Variants in ETAA1 observed in about 807,000 individuals in gnomAD.
ETAA1 encodes the protein ewing's tumor-associated antigen 1.
Under a neutral mutation model 76.8 loss-of-function variants are expected in ETAA1, and 49 were observed. The ratio of observed to expected loss-of-function variants is 0.64; its 90% confidence interval spans 0.51 to 0.81. The LOEUF is 0.81. Among genes scored for constraint, ETAA1 ranks in the 30% least tolerant of loss-of-function variants. ETAA1 has a pLI of 0.00. For synonymous variants in ETAA1, 373 were observed against 372.2 expected (o/e 1.00, Z -0.03); for missense variants, 1,099 against 1,074.0 (o/e 1.02, Z -0.32).
chr2:67,399,360 G>T, intron 2 of ETAA1, 63 bp downstream of exon 2: 1 of 1,456,228 alleles, frequency 6.9e-7, no homozygotes, highest in Non-Finnish European at 9.5e-7. Context: ...GATTTAACTA[G>T]AATTCTAGTC....
In ETAA1 at chr2:67,397,600, G is replaced by C; in HGVS notation, c.152G>C (p.Gly51Ala). The C allele has an allele frequency of 1.3e-6, 2 of 1,550,710 alleles. No homozygotes were observed. The highest frequency in any genetic ancestry group is 1.7e-6 in the Non-Finnish European group (2 of 1,147,772). The change falls in exon 1 of 6, where the codon GGG (glycine) becomes GCG (alanine). Residue 51 changes from glycine (G) to alanine (A), a missense_variant. By Grantham distance (60) the Gly-to-Ala change is moderately conservative (BLOSUM62 0). This residue lies in a region of ETAA1 where 761 missense variants were observed against 731.9 expected (regional missense o/e 1.04). Transcript: ENST00000272342. The part of the protein sequence containing the change: ...RGSWPCGARE[G>A]PPGPVRQREQ... ...TCGTGGCCCTGCGGGGCTAGAGAGG[G>C]GCCTCCCGGGCCAGTGCGGCAGCGA...
chr2:67,407,155 G>A (rs536951137), intron 5 of ETAA1, among the ~76,000 whole-genome samples: 3 of 151,206 alleles, frequency 2.0e-5, no homozygotes, highest in African/African-American at 7.3e-5. Flanking sequence ...ACACCCAAGG[G>A]TGTCCAATCT....
chr2:67,398,724 A>G (rs752819963), intron 1 of ETAA1, among the ~76,000 whole-genome samples: 1 of 152,180 alleles, frequency 6.6e-6, no homozygotes, highest in Admixed American at 6.5e-5. Context: ...AAAAATTCCC[A>G]AGCATTGGAT....
At chr2:67,407,793 A>G (rs1197156907) in intron 5 of ETAA1, among the ~76,000 whole-genome samples, 1 of 152,178 alleles carries the variant, frequency 6.6e-6, no homozygotes, top group Non-Finnish European at 1.5e-5. Context: ...GTGGATCATC[A>G]TAAAGGTCTT....
At position 67,411,100 on chromosome 2, in the gene ETAA1, A is replaced by G. The variant is rs1003058428; in HGVS notation, c.*1062A>G. ...TTAGTTGACTCATCTTTTCTTCTCT[A>G]TTACTGTTTTGTTTTTTTCTTTTTT... On this transcript the variant is annotated 3_prime_UTR_variant, in exon 6 of 6. Coordinates refer to ENST00000272342, the MANE Select transcript of ETAA1 (RefSeq NM_019002.4). 6.6e-6 allele frequency: 1 copy of G among 151,490 alleles called. No homozygotes were observed. The highest frequency in any genetic ancestry group is 2.4e-5 in the African/African-American group (1 of 41,198). The allele number at this position is 151,490 out of a possible 1,614,324, so 9.4% of individuals were successfully genotyped here. A position where few individuals can be genotyped will look rare whatever the true frequency, so the allele number is the denominator to read the frequency against.
At chr2:67,409,158 T>C (rs1280927580) in intron 5 of ETAA1, among the ~76,000 whole-genome samples, 2 of 152,052 alleles carry the variant, frequency 1.3e-5, no homozygotes, top group African/African-American at 4.8e-5. Context: ...ATTGTGTATC[T>C]TTTTCTAAAT....
At chr2:67,397,933 G>A (rs1486075979) in intron 1 of ETAA1, among the ~76,000 whole-genome samples, 8 of 152,214 alleles carry the variant, frequency 5.3e-5, no homozygotes, top group Non-Finnish European at 1.2e-4. Context: ...TTTGCGGGAG[G>A]GCGGCTGCTT....
chr2:67,398,793 G>A (rs765054552), intron 1 of ETAA1, among the ~76,000 whole-genome samples: 14 of 152,052 alleles, frequency 9.2e-5, no homozygotes, highest in East Asian at 1.9e-4. Flanking sequence ...GGTGAAAGGG[G>A]GCTAAACATA....
intron 3 of ETAA1, chr2:67,401,653 G>GT (rs780683740): frequency 6.6e-6 from 1 of 151,762 alleles, no homozygotes; most frequent in Non-Finnish European, 1.5e-5. Context: ...GTAAAGTTGG[G>GT]TACATAAAGT....
At position 67,397,364 on chromosome 2, in the gene ETAA1, G is replaced by A. The variant is rs893408372; in HGVS notation, c.-85G>A. 7.2e-7 allele frequency: 1 copy of A among 1,384,880 alleles called. No individual in the cohort carries two copies. Among genetic ancestry groups the A allele is most frequent in the Non-Finnish European group, 1.0e-6 (1 of 997,498 alleles). 85.8% of individuals were successfully genotyped at this position (1,384,880 alleles called of 1,614,324 possible). A position where few individuals can be genotyped will look rare whatever the true frequency, so the allele number is the denominator to read the frequency against. On this transcript the variant is annotated 5_prime_UTR_variant, in exon 1 of 6. Coordinates refer to ENST00000272342, the MANE Select transcript of ETAA1 (RefSeq NM_019002.4). The stretch of plus-strand genomic sequence containing the variant: ...CAAAATGGCGGCTGCCGTTGGTGCG[G>A]GGTGCGGTTTGTAGTGCTGTTGCCC...
In ETAA1 at chr2:67,403,844, G is replaced by A. The variant is rs1676124585; in HGVS notation, c.1162G>A (p.Gly388Ser). Residue 388 changes from glycine to serine, a missense_variant, in exon 5 of 6, where the codon GGT becomes AGT. Gly to Ser is a moderately conservative substitution (Grantham distance 56). This residue lies in a region of ETAA1 where 761 missense variants were observed against 731.9 expected (regional missense o/e 1.04). Coordinates refer to ENST00000272342, the MANE Select transcript of ETAA1 (RefSeq NM_019002.4). ...TGAGGATGATTGGGAAAACTTACTA[G>A]GTAGTGAACCTTTTGCTATGCAAAA... ...DFEDDWENLL[G>S]SEPFAMQNID... 6.2e-7 allele frequency: 1 copy of A among 1,613,120 alleles called. No individual in the cohort carries two copies. Among genetic ancestry groups the A allele is most frequent in the Non-Finnish European group, 8.5e-7 (1 of 1,179,478 alleles).
Position 67,397,438 on chromosome 2 carries a change from G to A in ETAA1, c.-11G>A, listed in dbSNP as rs368634719. ...AAAGAAGAAGCGGCTGGTGGAGGCG[G>A]GCCATAGGCAATGAGTCGGCGAAGG... On this transcript the variant is annotated 5_prime_UTR_variant, in exon 1 of 6. Transcript: ENST00000272342. 1.3e-6 allele frequency: 2 copies of A among 1,582,082 alleles called. No individual in the cohort carries two copies. The highest frequency in any genetic ancestry group is 3.6e-5 in the Admixed American group (2 of 55,078).
chr2:67,402,901 A>G lies in ETAA1; in HGVS notation c.469A>G (p.Ile157Val). The G allele has an allele frequency of 6.2e-7, 1 of 1,605,150 alleles. No individual in the cohort carries two copies. Among genetic ancestry groups the G allele is most frequent in the Non-Finnish European group, 8.5e-7 (1 of 1,175,668 alleles). Residue 157 changes from isoleucine to valine, a missense_variant, in exon 4 of 6, where the codon ATT becomes GTT. Transcript: ENST00000272342. Reference sequence around the variant, plus strand: ...AACAAATTCTATGCTGGACATGTGGATTGGTGAAACTGCTATTCCTTGTAC... The same window carrying G: ...AACAAATTCTATGCTGGACATGTGGGTTGGTGAAACTGCTATTCCTTGTAC... Reference protein sequence around the residue: ...PTTNSMLDMWIGETAIPCTPS... With the variant: ...PTTNSMLDMWVGETAIPCTPS...
rs112963599 is a variant in ETAA1 at position 67,410,075 on chromosome 2, A to G, written c.*37A>G. The G allele has an allele frequency of 6.4e-6, 10 of 1,571,608 alleles. No individual in the cohort carries two copies. The Admixed American group carries it at 1.6e-4, about 26-fold the overall frequency. On this transcript the variant is annotated 3_prime_UTR_variant, in exon 6 of 6. Transcript: ENST00000272342. Reference sequence around the variant, plus strand: ...TTGGAAGACTTCACGAAGACTGCTGATAACTATCTGTGATTGATAGGAAAT... The same window carrying G: ...TTGGAAGACTTCACGAAGACTGCTGGTAACTATCTGTGATTGATAGGAAAT...
chr2:67,409,430 G>A (rs943576559), intron 5 of ETAA1, among the ~76,000 whole-genome samples: 2 of 151,868 alleles, frequency 1.3e-5, no homozygotes, highest in African/African-American at 4.8e-5. Context: ...AAATTTTATA[G>A]CTCTATAGGG....
At chr2:67,401,760 T>G (rs1347070502) in intron 3 of ETAA1, 1 of 151,896 alleles carries the variant, frequency 6.6e-6, no homozygotes, top group African/African-American at 2.4e-5. Flanking sequence ...AATTCAAGAT[T>G]GTTGAAATAA....
chr2:67,399,413 A>G (rs1192967462), intron 2 of ETAA1, 116 bp downstream of exon 2: 37 of 1,171,076 alleles, frequency 3.2e-5, no homozygotes, highest in African/African-American at 4.7e-5. Context: ...ATATGATTTT[A>G]TCTGTATAAG....
In ETAA1 at chr2:67,405,307, TTC is replaced by T; in HGVS notation, c.2627_2628del (p.Ser876Ter). Reference sequence around the variant, plus strand: ...TTGGACAGCAATCTTTGGTGAAACTTTCTGAATCTTTGAAACAATCTTCAAAA... The same window carrying T: ...TTGGACAGCAATCTTTGGTGAAACTTTGAATCTTTGAAACAATCTTCAAAA... The part of the protein sequence containing the change: ...AVGQQSLVKL[S>X]ESLKQSSKEE... On this transcript the variant is annotated frameshift_variant, in exon 5 of 6. Coordinates refer to ENST00000272342, the MANE Select transcript of ETAA1 (RefSeq NM_019002.4). LOFTEE classifies it high-confidence loss of function. 2 of 1,548,256 alleles carry T rather than the reference TTC, an allele frequency of 1.3e-6. No homozygotes were observed. Among genetic ancestry groups the T allele is most frequent in the Non-Finnish European group, 1.7e-6 (2 of 1,151,100 alleles).
chr2:67,404,898 A>G lies in ETAA1; in HGVS notation c.2216A>G (p.Tyr739Cys). The G allele has an allele frequency of 1.9e-6, 3 of 1,613,092 alleles. No individual in the cohort carries two copies. Among genetic ancestry groups the G allele is most frequent in the Non-Finnish European group, 2.5e-6 (3 of 1,179,398 alleles). The change falls in exon 5 of 6, where the codon TAT becomes TGT. Residue 739 changes from tyrosine (Y) to cysteine (C), a missense_variant. Around this residue, in one of 3 missense-constraint regions of ETAA1, gnomAD observed 302 missense variants for 278.1 expected, o/e 1.09. Coordinates refer to ENST00000272342, the MANE Select transcript of ETAA1 (RefSeq NM_019002.4). ...TTAGGTGCCACAAATTTGACTATGTATTCTAAGATCTCAAACTGTCAGATA... is the reference window on the plus strand; with the variant it reads ...TTAGGTGCCACAAATTTGACTATGTGTTCTAAGATCTCAAACTGTCAGATA... ...RFLGATNLTMYSKISNCQINN... is the reference protein window; with the variant it reads ...RFLGATNLTMCSKISNCQINN...
Sources: gnomAD v4.1 joint callset for allele counts (sites outside exome capture counted in the v4.1 genomes callset) on GRCh38, gnomAD v4.1.1 for gene constraint, gnomAD v4.1.1 regional missense constraint, MANE v1.5 for transcripts, NCBI Gene and HGNC (gene_info 2026-07-23, HGNC 2026-07-21) for gene names.